The following FRMD5 variants were observed in gnomAD, a reference collection of about 807,000 sequenced individuals.
FRMD5 encodes FERM domain containing 5.
A neutral mutation model predicts 69.0 loss-of-function variants in FRMD5; 20 were observed. That is an observed-to-expected ratio of 0.29 (90% CI 0.20 to 0.42). The LOEUF (loss-of-function observed/expected upper bound fraction) is 0.42. FRMD5 is among the 10% of genes least tolerant of loss of function. The pLI is 1.00. For missense variants in FRMD5, 595 were observed against 708.6 expected (o/e 0.84, Z 1.82); for synonymous variants, 271 against 260.1 (o/e 1.04, Z -0.40).
chr15:44,161,234 C>A (rs1381018498), intron 1 of FRMD5, among the ~76,000 whole-genome samples: 1 of 152,168 alleles, frequency 6.6e-6, no homozygotes, highest in Non-Finnish European at 1.5e-5. Flanking sequence ...CCAACTCCTA[C>A]TTATTCAAAA....
chr15:43,981,386 C>A (rs1210530725), intron 1 of FRMD5, among the ~76,000 whole-genome samples: 1 of 152,042 alleles, frequency 6.6e-6, no homozygotes, highest in East Asian at 1.9e-4. Flanking sequence ...AATGGATTAT[C>A]ATAAAGGTCT....
chr15:43,933,519 C>T (rs151068381), intron 1 of FRMD5, among the ~76,000 whole-genome samples: 2,782 of 152,294 alleles, frequency 0.018, 25 homozygotes, highest in Middle Eastern at 0.058. Flanking sequence ...GGATTACTGG[C>T]ATCTGATGGT....
At chr15:44,121,567 C>T (rs145337956) in intron 1 of FRMD5, among the ~76,000 whole-genome samples, 11 of 151,802 alleles carry the variant, frequency 7.2e-5, no homozygotes, top group African/African-American at 2.2e-4. Flanking sequence ...CTCTCAAGCT[C>T]GAGGTTTCTC....
intron 1 of FRMD5, among the ~76,000 whole-genome samples, chr15:44,129,549 GT>G (rs2077069834): frequency 6.6e-6 from 1 of 151,952 alleles, no homozygotes; most frequent in Non-Finnish European, 1.5e-5. Context: ...TAAACAAAAA[GT>G]TAAAGTAATC....
chr15:43,874,377 GCTT>G lies in FRMD5; in HGVS notation c.1218_1220del (p.Arg406del). The G allele has an allele frequency of 6.2e-7, 1 of 1,614,210 alleles. No homozygotes were observed. Among genetic ancestry groups the G allele is most frequent in the East Asian group, 2.2e-5 (1 of 44,888 alleles). On this transcript the variant is annotated inframe_deletion, in exon 14 of 14. Transcript: ENST00000417257. ...CTCGCTCATTGCTATCTGTCCGGCTGCTTCTCACGTGAGGCAGGAAGGTGTCCC... is the reference window on the plus strand; with the variant it reads ...CTCGCTCATTGCTATCTGTCCGGCTGCTCACGTGAGGCAGGAAGGTGTCCC...
chr15:44,148,993 T>C (rs1475688438), intron 1 of FRMD5, among the ~76,000 whole-genome samples: 1 of 152,188 alleles, frequency 6.6e-6, no homozygotes, highest in Non-Finnish European at 1.5e-5. Flanking sequence ...GTCTAAAAAC[T>C]AATATTATTA....
At chr15:44,028,607 G>C (rs571707548) in intron 1 of FRMD5, among the ~76,000 whole-genome samples, 1 of 152,314 alleles carries the variant, frequency 6.6e-6, no homozygotes, top group Admixed American at 6.5e-5. Flanking sequence ...CAGATACTGA[G>C]AGATTATAAG....
intron 1 of FRMD5, among the ~76,000 whole-genome samples, chr15:44,192,785 A>G (rs902445270): frequency 6.6e-6 from 1 of 152,216 alleles, no homozygotes; most frequent in Non-Finnish European, 1.5e-5. Flanking sequence ...AACATTACAT[A>G]TACTTAACAA....
At chr15:44,017,699 G>A (rs537322642) in intron 1 of FRMD5, among the ~76,000 whole-genome samples, 16 of 149,940 alleles carry the variant, frequency 1.1e-4, no homozygotes, top group African/African-American at 3.7e-4. Flanking sequence ...TCCGTCTCCC[G>A]GGTTCACGCC....
At position 44,141,421 on chromosome 15, in the gene FRMD5, C is replaced by T. The variant is rs147858843; in HGVS notation, c.102+53532G>A. Among the ~76,000 whole-genome samples the T allele has an allele frequency of 7.2e-5, 11 of 152,248 alleles. 1 individual carries two copies. Among genetic ancestry groups the T allele is most frequent in the African/African-American group, 2.6e-4 (11 of 41,556 alleles). ...ATTCAGAAACAGTCAAGTACATACA[C>T]AGAAATTTGGTTCTAGACAATGGTG... On this transcript the variant is annotated intron_variant, in intron 1 of 13. Transcript: ENST00000417257.
chr15:44,127,688 A>C (rs2077042139), intron 1 of FRMD5, among the ~76,000 whole-genome samples: 1 of 152,118 alleles, frequency 6.6e-6, no homozygotes, highest in African/African-American at 2.4e-5. Flanking sequence ...AGCCAGGGCA[A>C]CATGGCGAAA....
At chr15:43,880,420 A>G (rs1216908871) in intron 13 of FRMD5, among the ~76,000 whole-genome samples, 3 of 152,004 alleles carry the variant, frequency 2.0e-5, no homozygotes, top group Non-Finnish European at 4.4e-5. Flanking sequence ...GCCTGTCAGG[A>G]CCTTTAAAGG....
intron 1 of FRMD5, among the ~76,000 whole-genome samples, chr15:43,996,244 G>C (rs1456399500): frequency 1.3e-5 from 2 of 152,284 alleles, no homozygotes; most frequent in Admixed American, 6.5e-5. Flanking sequence ...CACTGTGGTG[G>C]ACTTGGAAGC....
intron 1 of FRMD5, among the ~76,000 whole-genome samples, chr15:44,090,222 T>A (rs1206563094): frequency 6.6e-6 from 1 of 152,106 alleles, no homozygotes; most frequent in African/African-American, 2.4e-5. Context: ...CATAAGCAAG[T>A]TATTTAATCT....
intron 1 of FRMD5, among the ~76,000 whole-genome samples, chr15:44,144,745 T>A (rs746873565): frequency 6.6e-6 from 1 of 152,222 alleles, no homozygotes; most frequent in Non-Finnish European, 1.5e-5. Context: ...AGATTTTCCA[T>A]TCATTTTCTC....
At chr15:43,945,359 A>T (rs1038419513) in intron 1 of FRMD5, among the ~76,000 whole-genome samples, 5 of 151,932 alleles carry the variant, frequency 3.3e-5, no homozygotes, top group African/African-American at 1.2e-4. Flanking sequence ...CATTTTTTTT[A>T]AATAAAAAAT....
chr15:44,028,466 G>A (rs1210067395), intron 1 of FRMD5, among the ~76,000 whole-genome samples: 1 of 152,234 alleles, frequency 6.6e-6, no homozygotes, highest in African/African-American at 2.4e-5. Flanking sequence ...TGGGAGTCTA[G>A]AGAAGATCAA....
At chr15:43,888,326 G>C (rs929941222) in intron 9 of FRMD5, 60 bp from the exon 10 acceptor site, 2 of 1,216,826 alleles carry the variant, frequency 1.6e-6, no homozygotes, top group African/African-American at 3.0e-5. Context: ...GGGTGAAGTA[G>C]GCGAGGACCC....
intron 1 of FRMD5, among the ~76,000 whole-genome samples, chr15:43,957,825 G>T (rs1158217332): frequency 6.6e-6 from 1 of 152,052 alleles, no homozygotes; most frequent in Non-Finnish European, 1.5e-5. Context: ...TTTTTCCTGT[G>T]TTTCCTTGTT....
Sources: allele counts gnomAD v4.1 joint callset (sites outside exome capture counted in the v4.1 genomes callset), GRCh38; gene constraint gnomAD v4.1.1; transcripts MANE v1.5; gene names NCBI Gene and HGNC (gene_info 2026-07-23, HGNC 2026-07-21).